The following KIAA0319 variants were observed in gnomAD, a reference collection of about 807,000 sequenced individuals.
KIAA0319 encodes the protein KIAA0319.
A neutral mutation model predicts 108.4 loss-of-function variants in KIAA0319; 83 were observed. That is an observed-to-expected ratio of 0.77 (90% CI 0.64 to 0.92). The LOEUF (loss-of-function observed/expected upper bound fraction) is 0.92, where lower values mean the gene tolerates loss of function less well. Ranked by LOEUF, KIAA0319 falls within the 40% of genes least tolerant of loss-of-function variation. The probability of loss-of-function intolerance (pLI) is 0.00; values close to 1 mark genes in which losing one functional copy is unlikely to be tolerated. For missense variants in KIAA0319, 1,195 were observed against 1,322.4 expected (o/e 0.90, Z 1.49); for synonymous variants, 484 against 510.4 (o/e 0.95, Z 0.70).
intron 20 of KIAA0319, among the ~76,000 whole-genome samples, chr6:24,548,905 G>C (rs1382762425): frequency 6.6e-6 from 1 of 152,172 alleles, no homozygotes; most frequent in African/African-American, 2.4e-5. Flanking sequence ...TAGACATAGA[G>C]GTTGCTGTGG....
At chr6:24,547,931 G>C (rs1018453588) in intron 20 of KIAA0319, among the ~76,000 whole-genome samples, 9 of 152,148 alleles carry the variant, frequency 5.9e-5, no homozygotes, top group African/African-American at 1.9e-4. Context: ...CCTTTGGGAG[G>C]CTGAGGTGGG....
intron 18 of KIAA0319, among the ~76,000 whole-genome samples, chr6:24,554,857 G>A (rs1258982141): frequency 1.3e-5 from 2 of 152,118 alleles, no homozygotes; most frequent in East Asian, 1.9e-4. Context: ...AGGGCCTCAC[G>A]GAGCACATAT....
chr6:24,563,839 A>G (rs1313853987), intron 15 of KIAA0319, among the ~76,000 whole-genome samples: 1 of 152,176 alleles, frequency 6.6e-6, no homozygotes, highest in African/African-American at 2.4e-5. Context: ...CCAAGTGCCA[A>G]TGGGCACTTC....
At chr6:24,572,760 T>TA (rs1764906409) in intron 10 of KIAA0319, 62 bp from the exon 11 acceptor site, 4 of 1,432,566 alleles carry the variant, frequency 2.8e-6, no homozygotes, top group Non-Finnish European at 3.8e-6. Flanking sequence ...GAAGCACAAG[T>TA]AAATAGTATG....
intron 5 of KIAA0319, 41 bp from the exon 6 acceptor site, chr6:24,582,387 G>C (rs1270623354): frequency 7.5e-6 from 9 of 1,195,946 alleles, no homozygotes; most frequent in Admixed American, 1.7e-5. Context: ...TAAATTCTGA[G>C]AGGACACTAG....
intron 16 of KIAA0319, among the ~76,000 whole-genome samples, chr6:24,561,450 A>G (rs1763083152): frequency 6.6e-6 from 1 of 152,144 alleles, no homozygotes; most frequent in Non-Finnish European, 1.5e-5. Flanking sequence ...TTCTCAAGTG[A>G]GTTTTTGTAA....
intron 1 of KIAA0319, among the ~76,000 whole-genome samples, chr6:24,635,240 G>A (rs915304113): frequency 5.3e-5 from 8 of 152,066 alleles, no homozygotes; most frequent in Admixed American, 2.6e-4. Flanking sequence ...GAGTAGCTGG[G>A]ATTAGAGGTG....
intron 10 of KIAA0319, among the ~76,000 whole-genome samples, chr6:24,574,811 A>AC (rs1368777918): frequency 6.6e-6 from 1 of 151,856 alleles, no homozygotes; most frequent in East Asian, 1.9e-4. Context: ...AAAAAAAAAT[A>AC]CTTTCCCCTA....
chr6:24,639,300 G>A (rs1362450340), intron 1 of KIAA0319, among the ~76,000 whole-genome samples: 1 of 152,116 alleles, frequency 6.6e-6, no homozygotes, highest in African/African-American at 2.4e-5. Flanking sequence ...ATCTTAAAAG[G>A]AACAATCATC....
At chr6:24,557,258 T>A (rs1762435889) in intron 17 of KIAA0319, among the ~76,000 whole-genome samples, 1 of 152,010 alleles carries the variant, frequency 6.6e-6, no homozygotes, top group African/African-American at 2.4e-5. Context: ...TCCCGGCACT[T>A]TGGGAAGCCA....
intron 4 of KIAA0319, among the ~76,000 whole-genome samples, chr6:24,585,781 C>T (rs907538218): frequency 7.9e-5 from 12 of 152,110 alleles, no homozygotes; most frequent in African/African-American, 2.4e-4. Flanking sequence ...TGTCTTATGT[C>T]TCCCTAAAAT....
At chr6:24,610,961 T>TAAAA (rs1772217916) in intron 1 of KIAA0319, among the ~76,000 whole-genome samples, 1 of 151,940 alleles carries the variant, frequency 6.6e-6, no homozygotes, top group Admixed American at 6.6e-5. Context: ...GAAAATATAC[T>TAAAA]AACAAACAAA....
In KIAA0319 at chr6:24,559,256, G is replaced by A. The variant is rs535655454; in HGVS notation, c.2592-101C>T. ...GACCTGTGAAACTGGGGAGGTAGACGGCTACAGCTCTGTGGCTTGCCAAGG... is the reference window on the plus strand; with the variant it reads ...GACCTGTGAAACTGGGGAGGTAGACAGCTACAGCTCTGTGGCTTGCCAAGG... On this transcript the variant is annotated intron_variant, in intron 16 of 20. Coordinates refer to ENST00000378214, the MANE Select transcript of KIAA0319 (RefSeq NM_014809.4). The A allele has an allele frequency of 6.0e-5, 80 of 1,332,782 alleles. No homozygotes were observed. The African/African-American group carries it at 8.9e-4, about 15-fold the overall frequency. The allele number at this position is 1,332,782 out of a possible 1,614,324, so 82.6% of individuals were successfully genotyped here. A position where few individuals can be genotyped will look rare whatever the true frequency, so the allele number is the denominator to read the frequency against.
intron 17 of KIAA0319, among the ~76,000 whole-genome samples, chr6:24,557,091 G>A (rs1206925010): frequency 2.6e-5 from 4 of 152,186 alleles, no homozygotes; most frequent in Non-Finnish European, 5.9e-5. Flanking sequence ...TGTAGTCCCA[G>A]CTACTCAGGG....
chr6:24,613,196 G>A (rs535372653), intron 1 of KIAA0319, among the ~76,000 whole-genome samples: 1 of 152,076 alleles, frequency 6.6e-6, no homozygotes, highest in South Asian at 2.1e-4. Flanking sequence ...TAAGAGCTTC[G>A]AGTGAGTAAC....
chr6:24,569,268 T>C (rs190018718), intron 12 of KIAA0319, among the ~76,000 whole-genome samples: 104 of 152,228 alleles, frequency 6.8e-4, no homozygotes, highest in Middle Eastern at 6.8e-3. Flanking sequence ...TCCTCATCTA[T>C]CTTTAGGGAG....
rs1341452189 is a variant in KIAA0319, at chr6:24,553,270, G to GATAT, written c.2948+1270_2948+1271insATAT. On this transcript the variant is annotated intron_variant, in intron 19 of 20. Transcript: ENST00000378214. ...TGTAAGGCCACTTAGGTACTTGTGAGATAGATATATATATATATATATATA... is the reference window on the plus strand; with the variant it reads ...TGTAAGGCCACTTAGGTACTTGTGAGATATATAGATATATATATATATATATATA... Among the ~76,000 whole-genome samples the GATAT allele has an allele frequency of 3.7e-3, 388 of 105,526 alleles. 9 individuals carry two copies. The highest frequency in any genetic ancestry group is 0.016 in the African/African-American group (325 of 20,958). The allele number at this position is 105,526 out of a possible 152,430, so 69.2% of individuals were successfully genotyped here.
chr6:24,556,662 G>C lies in KIAA0319; in HGVS notation c.2802C>G (p.His934Gln). The change falls in exon 18 of 21, where the codon CAC (histidine) becomes CAG (glutamine). Residue 934 changes from histidine to glutamine, a missense_variant. By Grantham distance (24) the His-to-Gln change is conservative. Coordinates refer to ENST00000378214, the MANE Select transcript of KIAA0319 (RefSeq NM_014809.4). ...DPLTKRCICS[H>Q]LWMENLIQRY... ...GCTGTATAAGGTTCTCCATCCATAA[G>C]TGAGAGCAAATGCAGCGCTTTGTGA... 3 of 1,614,068 alleles carry C rather than the reference G, an allele frequency of 1.9e-6. No individual in the cohort carries two copies. Among genetic ancestry groups the C allele is most frequent in the Non-Finnish European group, 2.5e-6 (3 of 1,179,966 alleles).
In KIAA0319 at chr6:24,547,335, GCTTGATAC is replaced by G. The variant is rs1443562926; in HGVS notation, c.3041_3048del (p.Gly1014AlafsTer16). Reference sequence around the variant, plus strand: ...CTGGAGTTGTGCTCTGTGCTTCGGTGCTTGATACCTAGAGAGAAGCACAGAAGCATCTG... The same window carrying G: ...CTGGAGTTGTGCTCTGTGCTTCGGTGCTAGAGAGAAGCACAGAAGCATCTG... On this transcript the variant is annotated frameshift_variant and splice_region_variant, in exon 21 of 21. Transcript: ENST00000378214. LOFTEE classifies it low-confidence loss of function (END_TRUNC). The G allele has an allele frequency of 6.2e-7, 1 of 1,613,846 alleles. No individual in the cohort carries two copies. Among genetic ancestry groups the G allele is most frequent in the Admixed American group, 1.7e-5 (1 of 60,014 alleles).
Sources: gnomAD v4.1 joint callset for allele counts (sites outside exome capture counted in the v4.1 genomes callset) on GRCh38, gnomAD v4.1.1 for gene constraint, MANE v1.5 for transcripts, NCBI Gene and HGNC (gene_info 2026-07-23, HGNC 2026-07-21) for gene names.